Variants in UBR1 observed in about 807,000 individuals in gnomAD.
UBR1 encodes E3 ubiquitin-protein ligase UBR1.
A neutral mutation model predicts 242.1 loss-of-function variants in UBR1; 102 were observed. That is an observed-to-expected ratio of 0.42 (90% confidence interval 0.36 to 0.50). UBR1 has a LOEUF of 0.50. UBR1 is among the 20% of genes least tolerant of loss of function. UBR1 has a pLI of 0.01. For synonymous variants in UBR1, 675 were observed against 684.8 expected (o/e 0.99, Z 0.22); for missense variants, 1,772 against 2,101.8 (o/e 0.84, Z 3.07).
At chr15:42,957,227 C>A (rs1024241922) in intron 44 of UBR1, among the ~76,000 whole-genome samples, 2 of 152,042 alleles carry the variant, frequency 1.3e-5, no homozygotes, top group Non-Finnish European at 2.9e-5. Flanking sequence ...TGCTACGACT[C>A]GGATAAATAT....
intron 3 of UBR1, among the ~76,000 whole-genome samples, chr15:43,075,436 A>C (rs957417359): frequency 3.3e-5 from 5 of 152,028 alleles, no homozygotes; most frequent in African/African-American, 1.2e-4. Context: ...CAACACCTAG[A>C]ATTTTTTTTT....
At chr15:43,029,840 T>C in intron 21 of UBR1, 104 bp downstream of exon 21, 1 of 1,322,558 alleles carries the variant, frequency 7.6e-7, no homozygotes, top group Non-Finnish European at 1.1e-6. Context: ...AAGGTAATGA[T>C]ATAGGACTTT....
intron 27 of UBR1, 142 bp downstream of exon 27, chr15:43,021,133 T>C (rs756480638): frequency 3.2e-5 from 20 of 631,042 alleles, no homozygotes; most frequent in African/African-American, 2.2e-4. Context: ...TATAGGAAAA[T>C]AGAATTATTA....
In UBR1 at chr15:42,966,195, G is replaced by A; in HGVS notation, c.4549C>T (p.His1517Tyr). 1 of 1,614,130 alleles carries A rather than the reference G, an allele frequency of 6.2e-7. No individual in the cohort carries two copies. The highest frequency in any genetic ancestry group is 1.3e-5 in the African/African-American group (1 of 75,028). ...GGCGGAGTTACCCCAAGTAAATAGT[G>A]GAAAAACAATGCAGCACAGCGAAGA... ...PYLRCAALFFHYLLGVTPPEE... is the reference protein window; with the variant it reads ...PYLRCAALFFYYLLGVTPPEE... The change falls in exon 41 of 47, where the codon CAC becomes TAC. Residue 1517 changes from histidine to tyrosine, a missense_variant. Around this residue, in one of 3 missense-constraint regions of UBR1, gnomAD observed 965 missense variants for 1,079.7 expected, o/e 0.89. Coordinates refer to ENST00000290650, the MANE Select transcript of UBR1 (RefSeq NM_174916.3).
chr15:43,018,893 A>AT (rs2033065746), intron 27 of UBR1, among the ~76,000 whole-genome samples: 1 of 152,252 alleles, frequency 6.6e-6, no homozygotes, highest in South Asian at 2.1e-4. Flanking sequence ...TCTGCAATTC[A>AT]TAACACCATC....
At chr15:42,952,195 ACACTGTCC>A in intron 45 of UBR1, 75 bp downstream of exon 45, 1 of 1,539,462 alleles carries the variant, frequency 6.5e-7, no homozygotes, top group Non-Finnish European at 9.0e-7. Flanking sequence ...TGCTATCAAC[ACACTGTCC>A]CACCATAGTG....
intron 33 of UBR1, among the ~76,000 whole-genome samples, chr15:42,991,483 T>C (rs1462668366): frequency 1.3e-5 from 2 of 152,130 alleles, no homozygotes; most frequent in Non-Finnish European, 2.9e-5. Context: ...ACTGAACTTC[T>C]TGAATCTGCA....
rs769186907 is a variant in UBR1 at position 43,038,187 on chromosome 15, T to C, written c.1895A>G (p.His632Arg). The change falls in exon 16 of 47, where the codon CAT becomes CGT. Residue 632 changes from histidine to arginine, a missense_variant. Around this residue, in one of 3 missense-constraint regions of UBR1, gnomAD observed 734 missense variants for 893.3 expected, o/e 0.82. Transcript: ENST00000290650. ...ATCACTTACAAAAGACACAAATTCATGCAGTCTTGAAACAGCACCCAGCCT... is the reference window on the plus strand; with the variant it reads ...ATCACTTACAAAAGACACAAATTCACGCAGTCTTGAAACAGCACCCAGCCT... ...LSRLGAVSRLHEFVSFEDFQV... is the reference protein window; with the variant it reads ...LSRLGAVSRLREFVSFEDFQV... The C allele has an allele frequency of 1.2e-6, 2 of 1,614,056 alleles. No homozygotes were observed. Among genetic ancestry groups the C allele is most frequent in the African/African-American group, 1.3e-5 (1 of 75,034 alleles).
At chr15:43,100,585 C>A (rs938991924) in intron 1 of UBR1, among the ~76,000 whole-genome samples, 1 of 152,104 alleles carries the variant, frequency 6.6e-6, no homozygotes, top group Non-Finnish European at 1.5e-5. Context: ...ACCTGTAATC[C>A]CAGCAGTTTG....
intron 46 of UBR1, among the ~76,000 whole-genome samples, chr15:42,948,326 C>T (rs1033863367): frequency 2.7e-4 from 41 of 152,078 alleles, no homozygotes; most frequent in African/African-American, 9.6e-4. Flanking sequence ...ACCATAAAAA[C>T]CCTAGAAGAA....
chr15:43,022,967 A>G (rs1756108578), intron 25 of UBR1, among the ~76,000 whole-genome samples, 166 bp from the exon 26 acceptor site: 1 of 152,136 alleles, frequency 6.6e-6, no homozygotes, highest in African/African-American at 2.4e-5. Flanking sequence ...GGCTCAAGTG[A>G]TCCTCCTGCC....
At chr15:43,045,423 C>T (rs1447129188) in intron 14 of UBR1, among the ~76,000 whole-genome samples, 1 of 151,812 alleles carries the variant, frequency 6.6e-6, no homozygotes, top group African/African-American at 2.4e-5. Flanking sequence ...GCCATGATAG[C>T]GCCACTATAC....
At chr15:43,104,143 A>T (rs922415186) in intron 1 of UBR1, among the ~76,000 whole-genome samples, 1 of 152,190 alleles carries the variant, frequency 6.6e-6, no homozygotes, top group Non-Finnish European at 1.5e-5. Context: ...CTACTTTGCA[A>T]AACCCAAAGC....
At chr15:43,079,971 G>T (rs982616888) in intron 3 of UBR1, among the ~76,000 whole-genome samples, 3 of 152,044 alleles carry the variant, frequency 2.0e-5, no homozygotes, top group African/African-American at 7.2e-5. Context: ...AGCTATAAAG[G>T]TCTGATTTTG....
intron 22 of UBR1, 33 bp from the exon 23 acceptor site, chr15:43,026,696 G>T (rs1434672288): frequency 1.9e-6 from 3 of 1,544,306 alleles, no homozygotes; most frequent in Non-Finnish European, 2.7e-6. Flanking sequence ...ATGAACTGCA[G>T]TGTTCTTGAA....
At chr15:43,010,826 A>T (rs2032912780) in intron 29 of UBR1, among the ~76,000 whole-genome samples, 1 of 149,990 alleles carries the variant, frequency 6.7e-6, no homozygotes, top group African/African-American at 2.4e-5. Flanking sequence ...TACAAAAAAA[A>T]AAAAAAAAAA....
At position 42,970,503 on chromosome 15, in the gene UBR1, A is replaced by G. The variant is rs371649287; in HGVS notation, c.4457+17T>C. On this transcript the variant is annotated intron_variant, in intron 40 of 46. Transcript: ENST00000290650. The stretch of plus-strand genomic sequence containing the variant: ...TGGAATTATTACAATAGACTGAACT[A>G]ATGGATTGTTACTCACCCACTTGTA... 6.2e-7 allele frequency: 1 copy of G among 1,607,178 alleles called. No homozygotes were observed. Among genetic ancestry groups the G allele is most frequent in the African/African-American group, 1.3e-5 (1 of 74,824 alleles).
chr15:43,018,191 C>T lies in UBR1; in HGVS notation c.2941-1010G>A, dbSNP rs549891636. On this transcript the variant is annotated intron_variant, in intron 27 of 46. Transcript: ENST00000290650. Reference sequence around the variant, plus strand: ...CTAATTTTTGTATTTTTAGTAGAGACGGGGTTTCACCATGTTAGCCAGGAT... The same window carrying T: ...CTAATTTTTGTATTTTTAGTAGAGATGGGGTTTCACCATGTTAGCCAGGAT... Among the ~76,000 whole-genome samples the T allele has an allele frequency of 2.2e-4, 34 of 151,940 alleles. No individual in the cohort carries two copies. In the South Asian group the frequency reaches 2.5e-3, roughly 11 times the overall value.
chr15:43,028,313 C>A (rs1209101931), intron 21 of UBR1, among the ~76,000 whole-genome samples: 2 of 152,108 alleles, frequency 1.3e-5, no homozygotes, highest in African/African-American at 4.8e-5. Flanking sequence ...TTCTGATTGA[C>A]CTGATCTTTT....
Sources: gnomAD v4.1 joint callset for allele counts (sites outside exome capture counted in the v4.1 genomes callset) on GRCh38, gnomAD v4.1.1 for gene constraint, gnomAD v4.1.1 regional missense constraint, MANE v1.5 for transcripts, NCBI Gene and HGNC (gene_info 2026-07-23, HGNC 2026-07-21) for gene names.